Variants in COL6A3 observed in about 807,000 individuals in gnomAD.
The protein encoded by COL6A3 is collagen type VI alpha 3 chain, also known as collagen alpha-3(VI) chain.
A neutral mutation model predicts 274.1 loss-of-function variants in COL6A3; 137 were observed. The ratio of observed to expected loss-of-function variants is 0.50; its 90% CI spans 0.44 to 0.58. The LOEUF (loss-of-function observed/expected upper bound fraction) is 0.58. Among genes scored for constraint, COL6A3 ranks in the 20% least tolerant of loss-of-function variants. COL6A3 has a pLI of 0.00. For missense variants in COL6A3, 3,950 were observed against 4,124.9 expected (o/e 0.96, Z 1.16); for synonymous variants, 1,650 against 1,650.6 (o/e 1.00, Z 0.01).
In COL6A3 at chr2:237,360,108, G is replaced by C; in HGVS notation, c.6262C>G (p.Pro2088Ala). ...VNGTQGFQGC[P>A]GQRGVKGSRG... Reference sequence around the variant, plus strand: ...CTCACCTTTACTCCTCTCTGGCCCGGGCAGCCCTGGAAACCTTGAGTGCCG... The same window carrying C: ...CTCACCTTTACTCCTCTCTGGCCCGCGCAGCCCTGGAAACCTTGAGTGCCG... The change falls in exon 17 of 44, where the codon CCG becomes GCG. Residue 2088 changes from proline to alanine, a missense_variant. Around this residue, in one of 5 missense-constraint regions of COL6A3, gnomAD observed 92 missense variants for 143.4 expected, o/e 0.64. Coordinates refer to ENST00000295550, the MANE Select transcript of COL6A3 (RefSeq NM_004369.4). 1.2e-6 allele frequency: 2 copies of C among 1,614,092 alleles called. No individual in the cohort carries two copies. The highest frequency in any genetic ancestry group is 1.7e-6 in the Non-Finnish European group (2 of 1,180,016).
At chr2:237,398,388 A>G (rs1359399511) in intron 1 of COL6A3, among the ~76,000 whole-genome samples, 1 of 152,096 alleles carries the variant, frequency 6.6e-6, no homozygotes, top group African/African-American at 2.4e-5. Flanking sequence ...TTCCCCTGCC[A>G]ACACCTTTTC....
rs4663726 is a variant in COL6A3, at chr2:237,352,469, G to A, written c.6753+53C>T. On this transcript the variant is annotated intron_variant, in intron 26 of 43. Transcript: ENST00000295550. Reference sequence around the variant, plus strand: ...CCGAGAAACTCTCTCAGCCTGCTTGGCAATGTGCCCTCTGTTCAGCTAGAG... The same window carrying A: ...CCGAGAAACTCTCTCAGCCTGCTTGACAATGTGCCCTCTGTTCAGCTAGAG... 902,806 of 1,535,608 alleles carry A rather than the reference G, an allele frequency of 0.59. 266,482 individuals carry two copies. Among genetic ancestry groups the A allele is most frequent in the East Asian group, 0.66 (28,662 of 43,268 alleles).
rs139653464 is a variant in COL6A3 at position 237,377,207 on chromosome 2, G to A, written c.2635C>T (p.Gln879Ter). ...KPEGTRIAVA[Q>*]YSDDVKVESR... is the part of the protein sequence containing the mutation. ...TCCACCTTGACATCATCGCTGTACT[G>A]AGCCACCGCAATTCGGGTCCCCTCT... is the stretch of plus-strand genomic sequence containing the variant. The change falls in exon 7 of 44, where the codon CAG (glutamine) becomes TAG (stop). Residue 879 changes from glutamine to a stop codon, truncating the protein, a stop_gained. Transcript: ENST00000295550. LOFTEE classifies it high-confidence loss of function. 1.9e-6 allele frequency: 3 copies of A among 1,613,844 alleles called. No homozygotes were observed. Among genetic ancestry groups the A allele is most frequent in the Non-Finnish European group, 2.5e-6 (3 of 1,180,016 alleles).
chr2:237,378,566 A>C, intron 6 of COL6A3, 70 bp downstream of exon 6: 1 of 1,610,006 alleles, frequency 6.2e-7, no homozygotes, highest in Non-Finnish European at 8.5e-7. Context: ...TTGAGTTCAG[A>C]CTGGCAAACT....
chr2:237,403,662 G>A (rs2078649160), intron 1 of COL6A3, among the ~76,000 whole-genome samples: 3 of 152,092 alleles, frequency 2.0e-5, no homozygotes, highest in African/African-American at 7.2e-5. Flanking sequence ...TTTGGACATG[G>A]ATATATGTTA....
Position 237,380,910 on chromosome 2 carries a change from C to T in COL6A3, c.1897+5G>A. On this transcript the variant is annotated splice_donor_5th_base_variant and intron_variant, in intron 5 of 43. Transcript: ENST00000295550. ...ATTGTGTGTCTGAAGCCATCACCAC[C>T]ATACCTTCAGGGGTTCCAGAGAGGG... 1 of 1,613,268 alleles carries T rather than the reference C, an allele frequency of 6.2e-7. No individual in the cohort carries two copies. Among genetic ancestry groups the T allele is most frequent in the Non-Finnish European group, 8.5e-7 (1 of 1,179,590 alleles).
chr2:237,357,946 G>A (rs1422817694), intron 21 of COL6A3, 64 bp from the exon 22 acceptor site: 1 of 1,440,488 alleles, frequency 6.9e-7, no homozygotes, highest in African/African-American at 1.4e-5. Flanking sequence ...CCACTGGACT[G>A]GATGGTCAGG....
intron 1 of COL6A3, among the ~76,000 whole-genome samples, chr2:237,411,579 T>C (rs2078857982): frequency 6.6e-6 from 1 of 152,210 alleles, no homozygotes; most frequent in Non-Finnish European, 1.5e-5. Context: ...ATTGGAACCA[T>C]AAATCAACAA....
intron 1 of COL6A3, among the ~76,000 whole-genome samples, chr2:237,397,299 G>A (rs1355330688): frequency 7.0e-6 from 1 of 142,842 alleles, no homozygotes; most frequent in Non-Finnish European, 1.5e-5. Context: ...AGTGAAGGAA[G>A]GAAAGGAAGG....
At position 237,401,964 on chromosome 2, in the gene COL6A3, C is replaced by T. The variant is rs142576454; in HGVS notation, c.-30-5117G>A. On this transcript the variant is annotated intron_variant, in intron 1 of 43. Coordinates refer to ENST00000295550, the MANE Select transcript of COL6A3 (RefSeq NM_004369.4). ...CCTTCCTAAGTGCTGGGATTACAGG[C>T]GTGAGCCACTGTGCACGGCCTACTG... Among the ~76,000 whole-genome samples, 183 of 152,138 alleles carry T rather than the reference C, an allele frequency of 1.2e-3. 2 individuals carry two copies. In the East Asian group the frequency reaches 0.029, roughly 24 times the overall value.
chr2:237,358,652 A>T, intron 20 of COL6A3, 69 bp from the exon 21 acceptor site: 1 of 1,313,286 alleles, frequency 7.6e-7, no homozygotes, highest in Non-Finnish European at 1.1e-6. Context: ...TAAAAATCAC[A>T]TTCTTCAACT....
At chr2:237,372,392 T>A in intron 8 of COL6A3, 55 bp from the exon 9 acceptor site, 2 of 1,599,734 alleles carry the variant, frequency 1.3e-6, no homozygotes, top group Non-Finnish European at 1.7e-6. Context: ...ATTCTTAGCG[T>A]TCATGAGCCA....
chr2:237,403,282 A>G (rs573648295), intron 1 of COL6A3, among the ~76,000 whole-genome samples: 2 of 152,296 alleles, frequency 1.3e-5, no homozygotes, highest in South Asian at 4.1e-4. Flanking sequence ...CTGACCCGCC[A>G]AAAATTGGTG....
At position 237,340,797 on chromosome 2, in the gene COL6A3, T is replaced by A. The variant is rs1392745091; in HGVS notation, c.8119A>T (p.Thr2707Ser). ...AAGGCCCTGGTTCCCTGCAACTGTG[T>A]CATTCCCCTGCTGAGGAAGTCCACC... ...KLVDFLSRGMTQLQGTRALGS... is the reference protein window; with the variant it reads ...KLVDFLSRGMSQLQGTRALGS... The change falls in exon 38 of 44, where the codon ACA becomes TCA. Residue 2707 changes from threonine to serine, a missense_variant. Around this residue, in one of 5 missense-constraint regions of COL6A3, gnomAD observed 1,284 missense variants for 1,349.7 expected, o/e 0.95. Transcript: ENST00000295550. 6.2e-7 allele frequency: 1 copy of A among 1,614,204 alleles called. No individual in the cohort carries two copies. Among genetic ancestry groups the A allele is most frequent in the South Asian group, 1.1e-5 (1 of 91,080 alleles).
chr2:237,377,280 A>C lies in COL6A3; in HGVS notation c.2562T>G (p.Val854=). 6 of 1,605,462 alleles carry C rather than the reference A, an allele frequency of 3.7e-6. No individual in the cohort carries two copies. Among genetic ancestry groups the C allele is most frequent in the Non-Finnish European group, 5.1e-6 (6 of 1,179,982 alleles). The change falls in exon 7 of 44, where the codon GTT becomes GTG. Residue 854 remains valine (V), a synonymous_variant. Coordinates refer to ENST00000295550, the MANE Select transcript of COL6A3 (RefSeq NM_004369.4). The part of the protein sequence containing the change: ...GSANLVGQFP[V]VRDFLYKIID... ...TAATCTTGTAGAGAAAGTCACGGAC[A>C]ACAGGGAACTGGCCCACAAGATTGG... is the stretch of plus-strand genomic sequence containing the variant.
chr2:237,375,958 G>T (rs1023003423), intron 7 of COL6A3, among the ~76,000 whole-genome samples: 2 of 152,210 alleles, frequency 1.3e-5, no homozygotes, highest in East Asian at 3.8e-4. Context: ...GAAGAGTATT[G>T]TTAGCTTTCA....
In COL6A3 at chr2:237,336,264, C is replaced by T. The variant is rs763923503; in HGVS notation, c.8836G>A (p.Ala2946Thr). ...GGTCTTACAGCTGCTGGCTTTGCTGCTACAGGCTTCGCTGCCGTTGCTGGC... is the reference window on the plus strand; with the variant it reads ...GGTCTTACAGCTGCTGGCTTTGCTGTTACAGGCTTCGCTGCCGTTGCTGGC... ...VKPATAAKPV[A>T]AKPAAVRPPA... Residue 2946 changes from alanine to threonine, a missense_variant, in exon 40 of 44, where the codon GCA becomes ACA. Ala to Thr is a moderately conservative substitution (Grantham distance 58). Coordinates refer to ENST00000295550, the MANE Select transcript of COL6A3 (RefSeq NM_004369.4). The T allele has an allele frequency of 4.3e-6, 7 of 1,613,950 alleles. No individual in the cohort carries two copies. The highest frequency in any genetic ancestry group is 1.3e-5 in the African/African-American group (1 of 74,926).
intron 42 of COL6A3, 118 bp downstream of exon 42, chr2:237,333,332 A>T: frequency 1.1e-6 from 1 of 888,120 alleles, no homozygotes; most frequent in East Asian, 2.6e-5. Flanking sequence ...GCTGACGTGG[A>T]CCTTTTCCCC....
chr2:237,363,133 A>C, intron 14 of COL6A3, 120 bp downstream of exon 14: 85 of 924,256 alleles, frequency 9.2e-5, no homozygotes, highest in Middle Eastern at 2.8e-4. Flanking sequence ...AAATTTAACT[A>C]TCTACCAAGG....
Sources: allele counts gnomAD v4.1 joint callset (sites outside exome capture counted in the v4.1 genomes callset), GRCh38; gene constraint gnomAD v4.1.1; regional missense constraint gnomAD v4.1.1; transcripts MANE v1.5; gene names NCBI Gene and HGNC (gene_info 2026-07-23, HGNC 2026-07-21).